The following AGAP4 variants were observed in gnomAD, a reference collection of about 807,000 sequenced individuals.
The protein encoded by AGAP4 is ArfGAP with GTPase domain, ankyrin repeat and PH domain 4.
A neutral mutation model predicts 60.7 loss-of-function variants in AGAP4; 13 were observed. That is an observed-to-expected ratio of 0.21 (90% CI 0.14 to 0.34). The LOEUF is 0.34. Ranked by LOEUF, AGAP4 falls within the 10% of genes least tolerant of loss-of-function variation. AGAP4 has a pLI of 1.00. For missense variants in AGAP4, 169 were observed against 884.0 expected (o/e 0.19, Z 10.26); for synonymous variants, 70 against 339.0 (o/e 0.21, Z 8.72).
rs1404875450 is a variant in AGAP4 at position 45,839,317 on chromosome 10, T to C, written c.396+2336A>G. ...TACAGGCAAATGGCACTTTGGAAAG[T>C]AGGGTAAAATGTGAAAAAAAAAAAA... On this transcript the variant is annotated intron_variant, in intron 4 of 7. Coordinates refer to ENST00000616763, the MANE Select transcript of AGAP4 (RefSeq NM_001276343.3). Among the ~76,000 whole-genome samples, 35 of 115,508 alleles carry C rather than the reference T, an allele frequency of 3.0e-4. 2 individuals are homozygous for C. Among genetic ancestry groups the C allele is most frequent in the South Asian group, 2.4e-3 (5 of 2,108 alleles). 75.8% of individuals were successfully genotyped at this position (115,508 alleles called of 152,430 possible).
chr10:45,848,582 G>A (rs1254116561), upstream of AGAP4, among the ~76,000 whole-genome samples: 2 of 151,992 alleles, frequency 1.3e-5, no homozygotes, highest in African/African-American at 4.8e-5. Flanking sequence ...TGTTGAGACG[G>A]AGAAGGTAAG....
chr10:45,844,180 G>A, intron 3 of AGAP4, 146 bp downstream of exon 3: 1 of 664,772 alleles, frequency 1.5e-6, no homozygotes, highest in South Asian at 1.9e-5. Context: ...CTAAAGGAAA[G>A]TATATCACAT....
chr10:45,853,646 C>T, intron 1 of AGAP4: 1 of 1,286,836 alleles, frequency 7.8e-7, no homozygotes, highest in Non-Finnish European at 1.0e-6. Context: ...GATCGGGAGA[C>T]CAAGGTACCT....
At position 45,839,363 on chromosome 10, in the gene AGAP4, A is replaced by G. The variant is rs1460445442; in HGVS notation, c.396+2290T>C. Among the ~76,000 whole-genome samples the G allele has an allele frequency of 3.4e-4, 40 of 119,240 alleles. 1 individual carries two copies. Among genetic ancestry groups the G allele is most frequent in the African/African-American group, 9.8e-4 (35 of 35,662 alleles). The allele number at this position is 119,240 out of a possible 152,430, so 78.2% of individuals were successfully genotyped here. On this transcript the variant is annotated intron_variant, in intron 4 of 7. Coordinates refer to ENST00000616763, the MANE Select transcript of AGAP4 (RefSeq NM_001276343.3). ...AAAAAAAGCCAGCAAGGTCAGTTGC[A>G]AATCTCTAACTAGAGCCCCAAGTCC... is the stretch of plus-strand genomic sequence containing the variant.
intron 4 of AGAP4, 189 bp downstream of exon 4, chr10:45,841,464 G>C: frequency 2.1e-6 from 1 of 475,606 alleles, no homozygotes; most frequent in South Asian, 2.6e-5. Flanking sequence ...ATCTTTAAAA[G>C]GTGGACACGC....
upstream of AGAP4, chr10:45,853,983 T>A (rs2059112368): frequency 4.4e-6 from 4 of 914,338 alleles, no homozygotes; most frequent in Non-Finnish European, 5.6e-6. Flanking sequence ...ACTGTGGACT[T>A]AATTCTACTG....
At chr10:45,840,773 AAAG>A (rs1189526806) in intron 4 of AGAP4, among the ~76,000 whole-genome samples, 1 of 89,950 alleles carries the variant, frequency 1.1e-5, no homozygotes, top group East Asian at 3.6e-4. Flanking sequence ...GGCTAGGAAA[AAAG>A]AAGATCCAGG....
upstream of AGAP4, among the ~76,000 whole-genome samples, chr10:45,848,452 C>T (rs1347425295): frequency 6.8e-6 from 1 of 147,270 alleles, no homozygotes; most frequent in Admixed American, 6.9e-5. Context: ...TACCACAGTC[C>T]TATTTCAATA....
chr10:45,838,741 G>T (rs1314109499), intron 4 of AGAP4, among the ~76,000 whole-genome samples: 80,820 of 147,724 alleles, frequency 0.55, 22,739 homozygotes, highest in South Asian at 0.71. Flanking sequence ...TGGCTAATTT[G>T]TTATTTAACC....
chr10:45,846,189 C>G (rs1292612755), intron 2 of AGAP4, among the ~76,000 whole-genome samples: 2 of 151,750 alleles, frequency 1.3e-5, no homozygotes, highest in African/African-American at 4.9e-5. Context: ...AGAACTTTAA[C>G]AGAAAAGAGC....
At chr10:45,852,965 TAAAG>T in intron 1 of AGAP4, among the ~76,000 whole-genome samples, 1 of 152,028 alleles carries the variant, frequency 6.6e-6, no homozygotes, top group South Asian at 2.1e-4. Flanking sequence ...CCACAATCTC[TAAAG>T]AAAGATTAGG....
At chr10:45,850,657 C>A (rs2059072305), upstream of AGAP4, among the ~76,000 whole-genome samples, 1 of 152,200 alleles carries the variant, frequency 6.6e-6, no homozygotes, top group East Asian at 1.9e-4. Context: ...AGTCTGTGAT[C>A]ATTTGGGAGA....
intron 4 of AGAP4, among the ~76,000 whole-genome samples, chr10:45,836,325 AT>A (rs1188600914): frequency 2.0e-4 from 31 of 152,090 alleles, no homozygotes; most frequent in Admixed American, 5.2e-4. Flanking sequence ...AGAGCTACTG[AT>A]TTGTGTACAT....
rs1292476232 is a variant in AGAP4 at position 45,845,572 on chromosome 10, G to A, written c.292+1115C>T. Among the ~76,000 whole-genome samples the A allele has an allele frequency of 7.8e-4, 89 of 114,460 alleles. 16 individuals are homozygous for A. The highest frequency in any genetic ancestry group is 2.5e-3 in the African/African-American group (79 of 31,556). The allele number at this position is 114,460 out of a possible 152,430, so 75.1% of individuals were successfully genotyped here. A position where few individuals can be genotyped will look rare whatever the true frequency, so the allele number is the denominator to read the frequency against. ...CGGCTCCCATCCCCTGCCTCTGCCAGCAGTGTAGAGACTAAAAAACTCCAA... is the reference window on the plus strand; with the variant it reads ...CGGCTCCCATCCCCTGCCTCTGCCAACAGTGTAGAGACTAAAAAACTCCAA... On this transcript the variant is annotated intron_variant, in intron 2 of 7. Transcript: ENST00000616763.
At chr10:45,828,170 G>C (rs2058675631) in intron 6 of AGAP4, 90 bp from the exon 7 acceptor site, 1 of 611,026 alleles carries the variant, frequency 1.6e-6, no homozygotes, top group Non-Finnish European at 2.9e-6. Flanking sequence ...GTGTGCTTTG[G>C]TGTTTACTTT....
intron 5 of AGAP4, among the ~76,000 whole-genome samples, chr10:45,832,404 G>A (rs1271205971): frequency 1.3e-5 from 2 of 149,774 alleles, no homozygotes; most frequent in Non-Finnish European, 3.0e-5. Flanking sequence ...AGCAGTGGCT[G>A]TCAAACTTTG....
rs1590018734 is a variant in AGAP4, at chr10:45,831,734, A to G, written c.498-305T>C. ...CGAAACCTTTCGTCCCATGCGATTTATTTTATGTATTTATTTATTTTTTGA... is the reference window on the plus strand; with the variant it reads ...CGAAACCTTTCGTCCCATGCGATTTGTTTTATGTATTTATTTATTTTTTGA... On this transcript the variant is annotated intron_variant, in intron 5 of 7. Transcript: ENST00000616763. Among the ~76,000 whole-genome samples, 2 of 110,852 alleles carry G rather than the reference A, an allele frequency of 1.8e-5. 1 individual carries two copies. Among genetic ancestry groups the G allele is most frequent in the African/African-American group, 6.8e-5 (2 of 29,334 alleles). 72.7% of individuals were successfully genotyped at this position (110,852 alleles called of 152,430 possible). A position where few individuals can be genotyped will look rare whatever the true frequency, so the allele number is the denominator to read the frequency against.
At chr10:45,844,492 C>G in intron 2 of AGAP4, 98 bp from the exon 3 acceptor site, 1 of 1,555,088 alleles carries the variant, frequency 6.4e-7, no homozygotes, top group Non-Finnish European at 8.6e-7. Context: ...ATTTCACTAT[C>G]TCTACTTTGA....
At chr10:45,849,574 A>G (rs1174134220), upstream of AGAP4, among the ~76,000 whole-genome samples, 3 of 150,694 alleles carry the variant, frequency 2.0e-5, no homozygotes, top group Non-Finnish European at 4.4e-5. Flanking sequence ...TGTCTTGTAG[A>G]TGTATAGAAA....
Sources: gnomAD v4.1 joint callset for allele counts (sites outside exome capture counted in the v4.1 genomes callset) on GRCh38, gnomAD v4.1.1 for gene constraint, MANE v1.5 for transcripts, NCBI Gene and HGNC (gene_info 2026-07-23, HGNC 2026-07-21) for gene names.